Variants in LRP2 observed in about 807,000 individuals in gnomAD.
LRP2 encodes the protein low-density lipoprotein receptor-related protein 2.
LRP2 carries 172 observed loss-of-function variants against 531.0 expected under a neutral mutation model. That is an observed-to-expected ratio of 0.32 (90% CI 0.29 to 0.37). The LOEUF is 0.37. Among genes scored for constraint, LRP2 ranks in the 10% least tolerant of loss-of-function variants. The probability of loss-of-function intolerance (pLI) is 1.00; values close to 1 mark genes in which losing one functional copy is unlikely to be tolerated. For synonymous variants in LRP2, 1,992 were observed against 2,027.6 expected, an observed-to-expected ratio of 0.98 and a Z score of 0.47; for missense variants, 5,167 against 5,868.3, an observed-to-expected ratio of 0.88 and a Z score of 3.90.
intron 16 of LRP2, among the ~76,000 whole-genome samples, chr2:169,260,772 G>A (rs1433365259): frequency 6.6e-6 from 1 of 151,858 alleles, no homozygotes; most frequent in Admixed American, 6.6e-5. Flanking sequence ...GGCAGGAAAG[G>A]TGTGAAATTA....
At chr2:169,128,937 A>C in intron 78 of LRP2, 76 bp downstream of exon 78, 1 of 1,533,690 alleles carries the variant, frequency 6.5e-7, no homozygotes, top group Non-Finnish European at 9.0e-7. Flanking sequence ...GAATAATCTA[A>C]GTGTGTGTCC....
intron 6 of LRP2, among the ~76,000 whole-genome samples, chr2:169,293,607 G>A (rs62171264): frequency 0.12 from 18,432 of 152,148 alleles, 1,512 homozygotes; most frequent in Non-Finnish European, 0.19. Context: ...CCCAGGAGGC[G>A]GAAGTGGCAG....
intron 70 of LRP2, among the ~76,000 whole-genome samples, chr2:169,144,001 A>T (rs1005145319): frequency 2.0e-5 from 3 of 152,164 alleles, no homozygotes; most frequent in African/African-American, 7.2e-5. Flanking sequence ...TTCAAACTTG[A>T]ATGTGCTATC....
chr2:169,350,772 T>C (rs1308300104), intron 1 of LRP2, among the ~76,000 whole-genome samples: 2 of 142,310 alleles, frequency 1.4e-5, no homozygotes, highest in Admixed American at 7.0e-5. Context: ...ACAGAGACTA[T>C]CCCCAGAGGA....
At position 169,154,498 on chromosome 2, in the gene LRP2, G is replaced by T. The variant is rs578230287; in HGVS notation, c.12257C>A (p.Ala4086Asp). 2 of 1,612,846 alleles carry T rather than the reference G, an allele frequency of 1.2e-6. No individual in the cohort carries two copies. Among genetic ancestry groups the T allele is most frequent in the African/African-American group, 1.3e-5 (1 of 74,978 alleles). ...CTTGGGATCCCAATCATAATCAACA[G>T]CTTGGATATATTCCTCATCTTGAAG... ...EYLQDEEYIQAVDYDWDPKDI... is the reference protein window; with the variant it reads ...EYLQDEEYIQDVDYDWDPKDI... Residue 4086 changes from alanine (A) to aspartate (D), a missense_variant, in exon 66 of 79, where the codon GCT becomes GAT. Physicochemically the swap from Ala to Asp is moderately radical, Grantham distance 126. Coordinates refer to ENST00000649046, the MANE Select transcript of LRP2 (RefSeq NM_004525.3).
chr2:169,158,647 A>G (rs991799224), intron 63 of LRP2, among the ~76,000 whole-genome samples: 1 of 149,154 alleles, frequency 6.7e-6, no homozygotes, highest in Non-Finnish European at 1.5e-5. Flanking sequence ...GGAAATACCT[A>G]TAATAAATTG....
chr2:169,146,718 AC>A lies in LRP2; in HGVS notation c.12811+20del. On this transcript the variant is annotated intron_variant, in intron 69 of 78. Coordinates refer to ENST00000649046, the MANE Select transcript of LRP2 (RefSeq NM_004525.3). ...ATGTTAATTATTAATTTAATATATTACTTTCTAACTAATTTCTAACCTTCCT... is the reference window on the plus strand; with the variant it reads ...ATGTTAATTATTAATTTAATATATTATTTCTAACTAATTTCTAACCTTCCT... The A allele has an allele frequency of 6.5e-7, 1 of 1,537,870 alleles. No homozygotes were observed. The highest frequency in any genetic ancestry group is 9.0e-7 in the Non-Finnish European group (1 of 1,111,188).
intron 3 of LRP2, 74 bp from the exon 4 acceptor site, chr2:169,307,471 G>A: frequency 2.2e-6 from 2 of 920,750 alleles, no homozygotes; most frequent in South Asian, 1.3e-5. Flanking sequence ...CATTAACAAG[G>A]ATATTGGAAA....
chr2:169,139,789 G>T, intron 72 of LRP2, 179 bp from the exon 73 acceptor site: 1 of 688,436 alleles, frequency 1.5e-6, no homozygotes, highest in Non-Finnish European at 2.6e-6. Flanking sequence ...AAAGAACAGT[G>T]CTCTGATTTT....
At chr2:169,158,036 C>T (rs1686403978) in intron 63 of LRP2, among the ~76,000 whole-genome samples, 3 of 148,184 alleles carry the variant, frequency 2.0e-5, no homozygotes, top group Non-Finnish European at 4.5e-5. Context: ...ACTATAATTT[C>T]CCTAACATTG....
chr2:169,226,694 T>A (rs183340570), intron 31 of LRP2, 106 bp from the exon 32 acceptor site: 18 of 784,008 alleles, frequency 2.3e-5, no homozygotes, highest in Non-Finnish European at 4.4e-6. Flanking sequence ...TAAAATGACA[T>A]TGCAGCATTG....
At chr2:169,204,633 T>C (rs542424816) in intron 41 of LRP2, among the ~76,000 whole-genome samples, 42 of 152,310 alleles carry the variant, frequency 2.8e-4, no homozygotes, top group African/African-American at 9.6e-4. Context: ...CTTAGTGACT[T>C]TTTCAATTTG....
chr2:169,284,262 T>C (rs1218802713), intron 9 of LRP2, among the ~76,000 whole-genome samples: 26 of 122,386 alleles, frequency 2.1e-4, no homozygotes, highest in South Asian at 3.0e-4. Flanking sequence ...TTTTCTTTTT[T>C]TTTTTTTTTT....
intron 3 of LRP2, 41 bp from the exon 4 acceptor site, chr2:169,307,438 C>T: frequency 8.8e-7 from 1 of 1,131,352 alleles, no homozygotes; most frequent in Non-Finnish European, 1.3e-6. Flanking sequence ...ATAATTATTG[C>T]TAGACACAGA....
At chr2:169,324,630 G>GAA (rs11324299) in intron 1 of LRP2, among the ~76,000 whole-genome samples, 5 of 141,612 alleles carry the variant, frequency 3.5e-5, no homozygotes, top group Admixed American at 1.4e-4. Context: ...AAAGCTAGGG[G>GAA]AAAAAAAAAA....
chr2:169,258,232 C>T (rs1336164268), intron 17 of LRP2, among the ~76,000 whole-genome samples: 3 of 152,090 alleles, frequency 2.0e-5, no homozygotes, highest in Non-Finnish European at 1.5e-5. Context: ...CTGACTGTTG[C>T]CTAATAGCTG....
chr2:169,233,247 T>C (rs372696655), intron 30 of LRP2, among the ~76,000 whole-genome samples, 164 bp downstream of exon 30: 3 of 152,186 alleles, frequency 2.0e-5, no homozygotes, highest in Admixed American at 6.5e-5. Context: ...ATAAAAGTAA[T>C]GGCAATGTCA....
chr2:169,318,053 G>T (rs1270278982), intron 3 of LRP2, among the ~76,000 whole-genome samples: 1 of 151,592 alleles, frequency 6.6e-6, no homozygotes, highest in Non-Finnish European at 1.5e-5. Context: ...CTCCAGCCTG[G>T]GTGAGAGAGT....
At chr2:169,193,421 A>C (rs1269144645) in intron 47 of LRP2, among the ~76,000 whole-genome samples, 1 of 136,876 alleles carries the variant, frequency 7.3e-6, no homozygotes, top group Non-Finnish European at 1.5e-5. Context: ...ACAGAGTAAG[A>C]CCTTGTCAAA....
Sources: gnomAD v4.1 joint callset for allele counts (sites outside exome capture counted in the v4.1 genomes callset) on GRCh38, gnomAD v4.1.1 for gene constraint, MANE v1.5 for transcripts, NCBI Gene and HGNC (gene_info 2026-07-23, HGNC 2026-07-21) for gene names.